The following SUB1 variants were observed in gnomAD, a reference collection of about 807,000 sequenced individuals.
SUB1 encodes the protein activated RNA polymerase II transcriptional coactivator p15.
Under a neutral mutation model 16.9 loss-of-function variants are expected in SUB1, and 1 was observed. That is an observed-to-expected ratio of 0.06 (90% CI 0.02 to 0.28). The LOEUF (loss-of-function observed/expected upper bound fraction) is 0.28, where lower values mean the gene tolerates loss of function less well. Among genes scored for constraint, SUB1 ranks in the 10% least tolerant of loss-of-function variants. SUB1 has a pLI of 1.00. For missense variants in SUB1, 84 were observed against 145.2 expected (o/e 0.58, Z 2.16); for synonymous variants, 51 against 46.9 (o/e 1.09, Z -0.36).
rs1739104578 is a variant in SUB1 at position 32,601,119 on chromosome 5, T to C, written c.*35T>C. On this transcript the variant is annotated 3_prime_UTR_variant, in exon 5 of 5. Coordinates refer to ENST00000265073, the MANE Select transcript of SUB1 (RefSeq NM_006713.4). The stretch of plus-strand genomic sequence containing the variant: ...CATATAAATAAAACCTGTACTGTTC[T>C]AGTTGTTTTAATCTGTCTTTTTACA... The C allele has an allele frequency of 1.3e-6, 2 of 1,531,088 alleles. No homozygotes were observed. Among genetic ancestry groups the C allele is most frequent in the African/African-American group, 1.4e-5 (1 of 72,706 alleles). 94.8% of individuals were successfully genotyped at this position (1,531,088 alleles called of 1,614,324 possible).
rs1579521997 is a variant in SUB1 at position 32,602,846 on chromosome 5, A to T, written c.*1762A>T. On this transcript the variant is annotated 3_prime_UTR_variant, in exon 5 of 5. Coordinates refer to ENST00000265073, the MANE Select transcript of SUB1 (RefSeq NM_006713.4). The stretch of plus-strand genomic sequence containing the variant: ...TTGTACTTTAGACACATCATGCTTG[A>T]TTGGTAACTTCCCTCCTTTTTTGGG... 6.6e-6 allele frequency: 1 copy of T among 152,218 alleles called. No homozygotes were observed. Among genetic ancestry groups the T allele is most frequent in the Admixed American group, 6.5e-5 (1 of 15,282 alleles). 9.4% of individuals were successfully genotyped at this position (152,218 alleles called of 1,614,324 possible).
At chr5:32,589,982 G>A (rs1394645691) in intron 2 of SUB1, among the ~76,000 whole-genome samples, 1 of 151,952 alleles carries the variant, frequency 6.6e-6, no homozygotes, top group Non-Finnish European at 1.5e-5. Context: ...GGTAAAATAA[G>A]GCTTCAAAGA....
At position 32,585,644 on chromosome 5, in the gene SUB1, C is replaced by T. The variant is rs999302080; in HGVS notation, c.-2+19C>T. On this transcript the variant is annotated intron_variant, in intron 1 of 4. Transcript: ENST00000265073. ...GCGAAGCGTGAGTGCGCGGGACCCCCTACCCCTACTCCTCGGGGCCCCCAC... is the reference window on the plus strand; with the variant it reads ...GCGAAGCGTGAGTGCGCGGGACCCCTTACCCCTACTCCTCGGGGCCCCCAC... The T allele has an allele frequency of 1.3e-5, 2 of 152,316 alleles. No homozygotes were observed. The highest frequency in any genetic ancestry group is 4.8e-5 in the African/African-American group (2 of 41,460). 9.4% of individuals were successfully genotyped at this position (152,316 alleles called of 1,614,324 possible).
chr5:32,594,559 T>C, intron 3 of SUB1: 1 of 451,136 alleles, frequency 2.2e-6, no homozygotes, highest in South Asian at 1.6e-5. Context: ...GTTTTCTTTT[T>C]TGTGTTTGAA....
At chr5:32,596,855 GTTC>G (rs1205136283) in intron 3 of SUB1, 1 of 152,166 alleles carries the variant, frequency 6.6e-6, no homozygotes, top group Admixed American at 6.5e-5. Flanking sequence ...AGGAAAGCCT[GTTC>G]TTTTCTCTGG....
At chr5:32,594,304 G>A (rs1738902032) in intron 3 of SUB1, among the ~76,000 whole-genome samples, 1 of 152,168 alleles carries the variant, frequency 6.6e-6, no homozygotes, top group Non-Finnish European at 1.5e-5. Flanking sequence ...ATCTGTGATA[G>A]TAAAGAGACT....
rs1180221318 is a variant in SUB1, at chr5:32,604,038, T to C, written c.*2954T>C. The C allele has an allele frequency of 6.6e-6, 1 of 152,082 alleles. No individual in the cohort carries two copies. Among genetic ancestry groups the C allele is most frequent in the Non-Finnish European group, 1.5e-5 (1 of 67,936 alleles). 9.4% of individuals were successfully genotyped at this position (152,082 alleles called of 1,614,324 possible). ...GGAGATGTCTGAATATAATACTCCA[T>C]CTGTGAATATTTTAAATGTTGAAAT... On this transcript the variant is annotated 3_prime_UTR_variant, in exon 5 of 5. Transcript: ENST00000265073.
intron 3 of SUB1, among the ~76,000 whole-genome samples, chr5:32,592,279 A>T (rs1453059865): frequency 2.0e-5 from 3 of 152,360 alleles, no homozygotes; most frequent in East Asian, 3.9e-4. Flanking sequence ...GTGTTGGGAC[A>T]GTAAAGTATG....
At chr5:32,600,890 C>T in intron 4 of SUB1, 115 bp from the exon 5 acceptor site, 2 of 872,012 alleles carry the variant, frequency 2.3e-6, no homozygotes, top group Non-Finnish European at 1.8e-6. Flanking sequence ...CAGGTGTGAG[C>T]CACCGCGCCC....
At position 32,590,762 on chromosome 5, in the gene SUB1, ATTTTTT is replaced by A. The variant is rs70961652; in HGVS notation, c.73-783_73-778del. 8.5e-4 allele frequency among the ~76,000 whole-genome samples: 29 copies of A among 33,974 alleles called. No individual in the cohort carries two copies. The South Asian group carries it at 0.012, about 14-fold the overall frequency. The allele number at this position is 33,974 out of a possible 152,430, so 22.3% of individuals were successfully genotyped here. On this transcript the variant is annotated intron_variant, in intron 2 of 4. Transcript: ENST00000265073. The stretch of plus-strand genomic sequence containing the variant: ...AGGCGTGTGCCACCACGCCTGGCTA[ATTTTTT>A]TTTTTTTTTTTTTTTTTGAGATGGA...
In SUB1 at chr5:32,603,077, TA is replaced by T. The variant is rs1316474185; in HGVS notation, c.*1994del. The T allele has an allele frequency of 6.6e-6, 1 of 152,108 alleles. No individual in the cohort carries two copies. The highest frequency in any genetic ancestry group is 1.5e-5 in the Non-Finnish European group (1 of 67,980). 9.4% of individuals were successfully genotyped at this position (152,108 alleles called of 1,614,324 possible). ...ACTAACAGATGGTGCTGAAATCTAT[TA>T]CCTACATGTTTTCTAGTTGTTCAGC... On this transcript the variant is annotated 3_prime_UTR_variant, in exon 5 of 5. Transcript: ENST00000265073.
chr5:32,600,744 C>T (rs1207238929), intron 4 of SUB1, among the ~76,000 whole-genome samples: 1 of 151,988 alleles, frequency 6.6e-6, no homozygotes, highest in Non-Finnish European at 1.5e-5. Flanking sequence ...GCTGGGATTA[C>T]AGGTGCCCAC....
chr5:32,595,321 T>C (rs1219571125), intron 3 of SUB1: 1 of 152,214 alleles, frequency 6.6e-6, no homozygotes. Flanking sequence ...CCCCAGGAAG[T>C]TCCTCTTGGC....
rs200152356 is a variant in SUB1 at position 32,590,836 on chromosome 5, C to T, written c.73-727C>T. ...AGGCTGGAGTGCAATGGCACGATCT[C>T]GGCTCACTGCAACCTCAGCCTCCTG... On this transcript the variant is annotated intron_variant, in intron 2 of 4. Transcript: ENST00000265073. Among the ~76,000 whole-genome samples the T allele has an allele frequency of 3.5e-4, 48 of 135,910 alleles. No individual in the cohort carries two copies. In the East Asian group the frequency reaches 8.4e-3, roughly 24 times the overall value. 89.2% of individuals were successfully genotyped at this position (135,910 alleles called of 152,430 possible). A position where few individuals can be genotyped will look rare whatever the true frequency, so the allele number is the denominator to read the frequency against.
chr5:32,587,916 C>T (rs1579508689), intron 1 of SUB1, among the ~76,000 whole-genome samples: 1 of 151,988 alleles, frequency 6.6e-6, no homozygotes, highest in African/African-American at 2.4e-5. Context: ...GCCTGAATTG[C>T]GTATAATTTT....
chr5:32,595,508 A>G (rs1738937766), intron 3 of SUB1: 1 of 152,212 alleles, frequency 6.6e-6, no homozygotes, highest in African/African-American at 2.4e-5. Flanking sequence ...CAGTAATTTT[A>G]TTGCTGAGTA....
At chr5:32,591,892 G>A (rs1374886840) in intron 3 of SUB1, among the ~76,000 whole-genome samples, 1 of 152,062 alleles carries the variant, frequency 6.6e-6, no homozygotes, top group Non-Finnish European at 1.5e-5. Context: ...TAGAGATGGG[G>A]TTTCACCATC....
At chr5:32,600,708 A>C (rs1739094280) in intron 4 of SUB1, among the ~76,000 whole-genome samples, 1 of 151,730 alleles carries the variant, frequency 6.6e-6, no homozygotes, top group African/African-American at 2.4e-5. Context: ...GGTTCGAGCA[A>C]TTCTCCTGTC....
At chr5:32,594,604 C>G (rs773367782) in intron 3 of SUB1, 1 of 455,344 alleles carries the variant, frequency 2.2e-6, no homozygotes, top group Non-Finnish European at 4.4e-6. Context: ...AGGGGTCCCT[C>G]CTGCACAGGA....
Sources: gnomAD v4.1 joint callset for allele counts (sites outside exome capture counted in the v4.1 genomes callset) on GRCh38, gnomAD v4.1.1 for gene constraint, MANE v1.5 for transcripts, NCBI Gene and HGNC (gene_info 2026-07-23, HGNC 2026-07-21) for gene names.